Variants in SHANK1 observed in about 807,000 individuals in gnomAD.
The protein encoded by SHANK1 is SH3 and multiple ankyrin repeat domains protein 1.
A neutral mutation model predicts 165.6 loss-of-function variants in SHANK1; 35 were observed. The observed-to-expected ratio is 0.21, with a 90% CI of 0.16 to 0.28. The LOEUF is 0.28. Ranked by LOEUF, SHANK1 falls within the 10% of genes least tolerant of loss-of-function variation. The pLI is 1.00. For synonymous variants in SHANK1, 1,428 were observed against 1,384.8 expected (o/e 1.03, Z -0.69); for missense variants, 2,681 against 3,036.4 (o/e 0.88, Z 2.75).
intron 15 of SHANK1, among the ~76,000 whole-genome samples, chr19:50,695,213 C>T (rs1986696339): frequency 2.9e-5 from 4 of 136,518 alleles, no homozygotes; most frequent in African/African-American, 1.1e-4. Flanking sequence ...GCACCCCCTC[C>T]CGCGGGAGGG....
chr19:50,696,293 C>G (rs1347567360), intron 15 of SHANK1, among the ~76,000 whole-genome samples: 1 of 152,118 alleles, frequency 6.6e-6, no homozygotes, highest in Non-Finnish European at 1.5e-5. Context: ...AATACTCACC[C>G]GGTGCCCAGA....
In SHANK1 at chr19:50,688,126, C is replaced by T. The variant is rs1986420041; in HGVS notation, c.2173-68G>A. On this transcript the variant is annotated intron_variant, in intron 17 of 23. Transcript: ENST00000293441. This position sits in a 1 kb window ranked among gnomAD's most constrained non-coding sequence, Gnocchi z 6.7. ...GAGGGGTGCTTGCAGCTTCAGAGAC[C>T]CCAAGGAGGATGCCTCCTGCGCTGC... is the stretch of plus-strand genomic sequence containing the variant. 1.3e-6 allele frequency: 2 copies of T among 1,590,442 alleles called. No homozygotes were observed. Among genetic ancestry groups the T allele is most frequent in the Non-Finnish European group, 8.6e-7 (1 of 1,165,840 alleles).
chr19:50,706,755 GCTTT>G (rs888721848), intron 8 of SHANK1, among the ~76,000 whole-genome samples: 1 of 151,544 alleles, frequency 6.6e-6, no homozygotes, highest in African/African-American at 2.4e-5. Context: ...CCTCTTCCTT[GCTTT>G]ATTTTTATTT....
intron 21 of SHANK1, among the ~76,000 whole-genome samples, chr19:50,673,507 T>TCGG (rs569119371): frequency 3.5e-4 from 54 of 152,230 alleles, no homozygotes; most frequent in African/African-American, 7.9e-4. Context: ...GAAGTTCTCC[T>TCGG]CGGCGAGACC....
intron 8 of SHANK1, among the ~76,000 whole-genome samples, chr19:50,708,881 T>C (rs545649428): frequency 1.3e-5 from 2 of 152,282 alleles, no homozygotes; most frequent in African/African-American, 4.8e-5. Context: ...ACCCCCACCC[T>C]TGAGGTGCTC....
intron 21 of SHANK1, among the ~76,000 whole-genome samples, chr19:50,675,312 T>G (rs1445543970): frequency 6.6e-6 from 1 of 152,234 alleles, no homozygotes; most frequent in Non-Finnish European, 1.5e-5. Context: ...AATTTCTCTG[T>G]TGCACTGGCC....
At position 50,690,794 on chromosome 19, in the gene SHANK1, C is replaced by T. The variant is rs1399494042; in HGVS notation, c.1965-1515G>A. Reference sequence around the variant, plus strand: ...CGGATCTCAGTGTATTCCCATAACACGCCCTCTGAACACATACATCCCAGC... The same window carrying T: ...CGGATCTCAGTGTATTCCCATAACATGCCCTCTGAACACATACATCCCAGC... On this transcript the variant is annotated intron_variant, in intron 15 of 23. Coordinates refer to ENST00000293441, the MANE Select transcript of SHANK1 (RefSeq NM_016148.5). This position sits in a 1 kb window ranked among gnomAD's most constrained non-coding sequence, Gnocchi z 4.9. Among the ~76,000 whole-genome samples the T allele has an allele frequency of 2.6e-5, 4 of 152,116 alleles. No individual in the cohort carries two copies. Among genetic ancestry groups the T allele is most frequent in the Admixed American group, 2.0e-4 (3 of 15,266 alleles).
At chr19:50,673,535 C>G (rs1985875925) in intron 21 of SHANK1, among the ~76,000 whole-genome samples, 2 of 152,224 alleles carry the variant, frequency 1.3e-5, no homozygotes, top group Admixed American at 6.5e-5. Flanking sequence ...GCCCCCTACC[C>G]AGACTGCACT....
In SHANK1 at chr19:50,661,698, T is replaced by C; in HGVS notation, c.*267A>G. ...AATAGGCCCTTCCCTCCTTCTCAATTCCCCTCTGTAATTTCTCCTATCCCC... is the reference window on the plus strand; with the variant it reads ...AATAGGCCCTTCCCTCCTTCTCAATCCCCCTCTGTAATTTCTCCTATCCCC... On this transcript the variant is annotated 3_prime_UTR_variant, in exon 24 of 24. Transcript: ENST00000293441. The C allele has an allele frequency of 2.0e-6, 1 of 493,282 alleles. No homozygotes were observed. Among genetic ancestry groups the C allele is most frequent in the Non-Finnish European group, 3.7e-6 (1 of 273,534 alleles). The allele number at this position is 493,282 out of a possible 1,614,324, so 30.6% of individuals were successfully genotyped here.
rs1438252474 is a variant in SHANK1, at chr19:50,666,117, CCT to C, written c.5768+73_5768+74del. On this transcript the variant is annotated intron_variant, in intron 23 of 23. Coordinates refer to ENST00000293441, the MANE Select transcript of SHANK1 (RefSeq NM_016148.5). ...CTGGTTTCTGTTTCCTTTCTGCCAC[CCT>C]GAGACCCTAAAGGGACACAGCCATG... 26 of 1,402,800 alleles carry C rather than the reference CCT, an allele frequency of 1.9e-5. No individual in the cohort carries two copies. The African/African-American group carries it at 3.8e-4, about 20-fold the overall frequency. 86.9% of individuals were successfully genotyped at this position (1,402,800 alleles called of 1,614,324 possible). A position where few individuals can be genotyped will look rare whatever the true frequency, so the allele number is the denominator to read the frequency against.
chr19:50,667,223 C>G lies in SHANK1; in HGVS notation c.4737G>C (p.Lys1579Asn). 1 of 1,585,016 alleles carries G rather than the reference C, an allele frequency of 6.3e-7. No homozygotes were observed. Among genetic ancestry groups the G allele is most frequent in the Non-Finnish European group, 8.5e-7 (1 of 1,173,336 alleles). ...PPLEFSNSFE[K>N]PESPLTPGPP... ...GCCCAGGCGTGAGGGGCGACTCTGG[C>G]TTTTCGAAGCTGTTGGAGAATTCCA... The change falls in exon 23 of 24, where the codon AAG becomes AAC. Residue 1579 changes from lysine to asparagine, a missense_variant. Lys to Asn is a moderately conservative substitution (Grantham distance 94, BLOSUM62 0). Transcript: ENST00000293441. This position sits in a 1 kb window ranked among gnomAD's most constrained non-coding sequence, Gnocchi z 5.7.
chr19:50,683,656 A>G (rs1189976849), intron 21 of SHANK1, among the ~76,000 whole-genome samples: 1 of 152,206 alleles, frequency 6.6e-6, no homozygotes, highest in African/African-American at 2.4e-5. Context: ...GGCACTAAAC[A>G]GACCGAGAAA....
At position 50,659,505 on chromosome 19, in the gene SHANK1, G is replaced by A. The variant is rs1046837495; in HGVS notation, c.*2460C>T. On this transcript the variant is annotated 3_prime_UTR_variant, in exon 24 of 24. Coordinates refer to ENST00000293441, the MANE Select transcript of SHANK1 (RefSeq NM_016148.5). ...CTGGGCACCGGGGCTTTCAGCGCGTGCCGAGCCCTGTCTCAGCGAGAATCA... is the reference window on the plus strand; with the variant it reads ...CTGGGCACCGGGGCTTTCAGCGCGTACCGAGCCCTGTCTCAGCGAGAATCA... Among the ~76,000 whole-genome samples the A allele has an allele frequency of 6.6e-6, 1 of 151,816 alleles. No homozygotes were observed. The highest frequency in any genetic ancestry group is 2.1e-4 in the South Asian group (1 of 4,812).
intron 8 of SHANK1, chr19:50,711,101 C>G (rs544722637): frequency 5.0e-5 from 22 of 437,790 alleles, no homozygotes; most frequent in Non-Finnish European, 8.4e-5. Context: ...TGTTGTCTGC[C>G]CTCTGCTAGG....
chr19:50,705,311 C>T (rs955395739), intron 8 of SHANK1, among the ~76,000 whole-genome samples: 2 of 152,074 alleles, frequency 1.3e-5, no homozygotes, highest in Non-Finnish European at 2.9e-5. Flanking sequence ...CACTGCACTC[C>T]AGCCTGGGTG....
chr19:50,699,097 C>T (rs1414354471), intron 12 of SHANK1, among the ~76,000 whole-genome samples: 2 of 152,218 alleles, frequency 1.3e-5, no homozygotes, highest in Admixed American at 6.5e-5. Flanking sequence ...CACAAACTGC[C>T]TCCCTTGAGA....
intron 15 of SHANK1, among the ~76,000 whole-genome samples, chr19:50,692,122 A>G (rs533313566): frequency 1.3e-5 from 2 of 152,240 alleles, no homozygotes; most frequent in South Asian, 4.1e-4. Context: ...CCTCCACTCC[A>G]CAGCACCGAA....
At position 50,714,273 on chromosome 19, in the gene SHANK1, G is replaced by A. The variant is rs968847397; in HGVS notation, c.549C>T (p.Phe183=). Residue 183 remains phenylalanine (F), a synonymous_variant, in exon 5 of 24, where the codon TTC becomes TTT. Transcript: ENST00000293441. ...KLHTKTGLKK[F]LEYVQLGTSD... is the part of the protein sequence containing the mutation. ...ATGTCCCGAGCTGCACATACTCCAG[G>A]AACTTCTTCAACCCCGTCTGAGCCA... 1.2e-6 allele frequency: 2 copies of A among 1,614,044 alleles called. No homozygotes were observed. Among genetic ancestry groups the A allele is most frequent in the Non-Finnish European group, 1.7e-6 (2 of 1,180,018 alleles).
chr19:50,681,153 C>G (rs1986166530), intron 21 of SHANK1, among the ~76,000 whole-genome samples: 1 of 151,690 alleles, frequency 6.6e-6, no homozygotes, highest in Admixed American at 6.6e-5. Context: ...GAGAGGCCAC[C>G]AAGATGCAGA....
Sources: gnomAD v4.1 joint callset for allele counts (sites outside exome capture counted in the v4.1 genomes callset) on GRCh38, gnomAD v4.1.1 for gene constraint, Gnocchi (gnomAD v3.1) non-coding constraint, MANE v1.5 for transcripts, NCBI Gene and HGNC (gene_info 2026-07-23, HGNC 2026-07-21) for gene names.